Variants in CNTNAP2 observed in about 807,000 individuals in gnomAD.
CNTNAP2 encodes the protein contactin associated protein 2.
CNTNAP2 carries 98 observed loss-of-function variants against 155.2 expected under a neutral mutation model. The ratio of observed to expected loss-of-function variants is 0.63; its 90% confidence interval spans 0.54 to 0.75. CNTNAP2 has a LOEUF of 0.75. Ranked by LOEUF, CNTNAP2 falls within the 30% of genes least tolerant of loss-of-function variation. The probability of loss-of-function intolerance (pLI) is 0.00; values close to 1 mark genes in which losing one functional copy is unlikely to be tolerated. For synonymous variants in CNTNAP2, 651 were observed against 631.2 expected, an observed-to-expected ratio of 1.03 and a Z score of -0.47; for missense variants, 1,727 against 1,688.1, an observed-to-expected ratio of 1.02 and a Z score of -0.40.
chr7:146,346,061 A>G (rs1794814112), intron 1 of CNTNAP2, among the ~76,000 whole-genome samples: 1 of 152,206 alleles, frequency 6.6e-6, no homozygotes, highest in Non-Finnish European at 1.5e-5. Flanking sequence ...AGCTGGGGGA[A>G]ACATTAATGC....
chr7:146,173,292 T>G (rs977318280), intron 1 of CNTNAP2, among the ~76,000 whole-genome samples: 2 of 152,222 alleles, frequency 1.3e-5, no homozygotes, highest in Non-Finnish European at 2.9e-5. Flanking sequence ...AATAATACAC[T>G]TTTTGAAGTT....
chr7:147,303,507 A>G (rs1794978919), intron 9 of CNTNAP2, among the ~76,000 whole-genome samples: 1 of 152,190 alleles, frequency 6.6e-6, no homozygotes, highest in Non-Finnish European at 1.5e-5. Flanking sequence ...ACTCTATACC[A>G]TCTGTGCTGA....
intron 18 of CNTNAP2, among the ~76,000 whole-genome samples, chr7:148,188,108 T>C (rs1795148996): frequency 6.6e-6 from 1 of 152,134 alleles, no homozygotes; most frequent in Non-Finnish European, 1.5e-5. Context: ...GAAAAAATCG[T>C]GGGAGAGTAG....
At chr7:146,207,625 G>T in intron 1 of CNTNAP2, among the ~76,000 whole-genome samples, 1 of 134,224 alleles carries the variant, frequency 7.5e-6, no homozygotes, top group Non-Finnish European at 1.6e-5. Context: ...TCTTCAAACA[G>T]AACAGGACTG....
chr7:147,936,573 A>G (rs781448902), intron 14 of CNTNAP2, among the ~76,000 whole-genome samples: 11 of 152,346 alleles, frequency 7.2e-5, no homozygotes, highest in Non-Finnish European at 1.3e-4. Flanking sequence ...TCATTCAACT[A>G]TGAAATGACT....
rs1318032671 is a variant in CNTNAP2 at position 147,167,429 on chromosome 7, G to A, written c.1348+34920G>A. 24 of 1,346,594 alleles carry A rather than the reference G, an allele frequency of 1.8e-5. No homozygotes were observed. The South Asian group carries it at 3.0e-4, about 17-fold the overall frequency. 83.4% of individuals were successfully genotyped at this position (1,346,594 alleles called of 1,614,324 possible). On this transcript the variant is annotated intron_variant, in intron 8 of 23. Coordinates refer to ENST00000361727, the MANE Select transcript of CNTNAP2 (RefSeq NM_014141.6). ...AGCCCTTCCTCTGGCTTGCTAGGAA[G>A]CTCATTGGAGACCCTAACTTGGAGT...
chr7:147,452,919 G>GA (rs1296739369), intron 10 of CNTNAP2, among the ~76,000 whole-genome samples: 1 of 140,752 alleles, frequency 7.1e-6, no homozygotes, highest in African/African-American at 2.6e-5. Flanking sequence ...TGAGAAACTA[G>GA]AAAAAATAGA....
At chr7:147,536,852 A>C (rs11772061) in intron 11 of CNTNAP2, among the ~76,000 whole-genome samples, 5,282 of 152,240 alleles carry the variant, frequency 0.035, 139 homozygotes, top group African/African-American at 0.056. Flanking sequence ...CATAGCTTCA[A>C]ATAATGTGTT....
intron 3 of CNTNAP2, among the ~76,000 whole-genome samples, chr7:147,040,057 C>T (rs141153260): frequency 5.3e-5 from 8 of 152,206 alleles, no homozygotes; most frequent in African/African-American, 1.7e-4. Flanking sequence ...AACTTTGCAC[C>T]TGACAAAGGT....
chr7:147,613,752 A>C (rs1182476378), intron 12 of CNTNAP2, among the ~76,000 whole-genome samples: 1 of 152,156 alleles, frequency 6.6e-6, no homozygotes, highest in African/African-American at 2.4e-5. Context: ...CAGAGACAGG[A>C]GAATCGCTTG....
intron 3 of CNTNAP2, among the ~76,000 whole-genome samples, chr7:146,984,049 C>T (rs1798069504): frequency 6.6e-6 from 1 of 152,064 alleles, no homozygotes; most frequent in Non-Finnish European, 1.5e-5. Flanking sequence ...CTTGTTCTTC[C>T]TCTCCATCAT....
chr7:148,039,847 A>G (rs1027018649), intron 15 of CNTNAP2, among the ~76,000 whole-genome samples: 16 of 152,194 alleles, frequency 1.1e-4, no homozygotes, highest in African/African-American at 3.9e-4. Flanking sequence ...AATCACCTTC[A>G]TTTCTAATGT....
intron 9 of CNTNAP2, among the ~76,000 whole-genome samples, chr7:147,333,348 A>G (rs1795607880): frequency 6.6e-6 from 1 of 152,216 alleles, no homozygotes; most frequent in Non-Finnish European, 1.5e-5. Context: ...GATCCATGGT[A>G]AGGCTAAATG....
rs561197361 is a variant in CNTNAP2 at position 147,686,356 on chromosome 7, C to T, written c.2098+47050C>T. On this transcript the variant is annotated intron_variant, in intron 13 of 23. Transcript: ENST00000361727. ...GAAAAAGAAGGCTTGGGGGAAATGT[C>T]AGAAGTTAGCTCTAGACTCTTGAAG... Among the ~76,000 whole-genome samples the T allele has an allele frequency of 3.9e-5, 6 of 152,130 alleles. No homozygotes were observed. The South Asian group carries it at 1.2e-3, about 32-fold the overall frequency.
chr7:146,481,566 A>G (rs1480559321), intron 1 of CNTNAP2, among the ~76,000 whole-genome samples: 5 of 152,188 alleles, frequency 3.3e-5, no homozygotes, highest in African/African-American at 1.2e-4. Flanking sequence ...CCTCCTCATC[A>G]TCATCATTGG....
rs1312614075 is a variant in CNTNAP2 at position 147,062,155 on chromosome 7, A to C, written c.550+18101A>C. On this transcript the variant is annotated intron_variant, in intron 4 of 23. Transcript: ENST00000361727. Reference sequence around the variant, plus strand: ...AAAAAAAAAAAAAAAAAAAAAAAAAAAAAAAAAAAAAAAAACCAGTTCTTT... The same window carrying C: ...AAAAAAAAAAAAAAAAAAAAAAAAACAAAAAAAAAAAAAAACCAGTTCTTT... 1.4e-4 allele frequency among the ~76,000 whole-genome samples: 19 copies of C among 138,388 alleles called. 1 individual carries two copies. Among genetic ancestry groups the C allele is most frequent in the Non-Finnish European group, 1.9e-4 (12 of 63,922 alleles). 90.8% of individuals were successfully genotyped at this position (138,388 alleles called of 152,430 possible). A position where few individuals can be genotyped will look rare whatever the true frequency, so the allele number is the denominator to read the frequency against.
intron 1 of CNTNAP2, among the ~76,000 whole-genome samples, chr7:146,680,789 G>T (rs1027204283): frequency 6.6e-6 from 1 of 152,112 alleles, no homozygotes; most frequent in Non-Finnish European, 1.5e-5. Context: ...ACATGGATCC[G>T]GGACATACTA....
chr7:146,676,126 G>A (rs561064901), intron 1 of CNTNAP2, among the ~76,000 whole-genome samples: 1 of 152,100 alleles, frequency 6.6e-6, no homozygotes, highest in South Asian at 2.1e-4. Context: ...TATTTTATGA[G>A]AAACATTCTT....
chr7:146,579,439 G>A (rs1232867097), intron 1 of CNTNAP2, among the ~76,000 whole-genome samples: 1 of 152,104 alleles, frequency 6.6e-6, no homozygotes, highest in Non-Finnish European at 1.5e-5. Context: ...ATAATAGGAA[G>A]TGCCTCAGAC....
Sources: allele counts gnomAD v4.1 joint callset (sites outside exome capture counted in the v4.1 genomes callset), GRCh38; gene constraint gnomAD v4.1.1; transcripts MANE v1.5; gene names NCBI Gene and HGNC (gene_info 2026-07-23, HGNC 2026-07-21).